Variants in TENM4 observed in about 807,000 individuals in gnomAD.
The protein encoded by TENM4 is teneurin-4.
A neutral mutation model predicts 243.3 loss-of-function variants in TENM4; 82 were observed. The ratio of observed to expected loss-of-function variants is 0.34; its 90% CI spans 0.28 to 0.40. The LOEUF (loss-of-function observed/expected upper bound fraction) is 0.40, where lower values mean the gene tolerates loss of function less well. TENM4 is among the 10% of genes least tolerant of loss of function. TENM4 has a pLI of 1.00. For missense variants in TENM4, 3,138 were observed against 3,673.3 expected (o/e 0.85, Z 3.77); for synonymous variants, 1,412 against 1,456.3 (o/e 0.97, Z 0.69).
chr11:78,783,995 G>C (rs1426691066), intron 16 of TENM4, among the ~76,000 whole-genome samples: 1 of 152,166 alleles, frequency 6.6e-6, no homozygotes, highest in South Asian at 2.1e-4. Context: ...TACGCAGGTC[G>C]GCAGTATGTA....
At chr11:79,102,423 C>A (rs911377133) in intron 4 of TENM4, among the ~76,000 whole-genome samples, 2 of 152,184 alleles carry the variant, frequency 1.3e-5, no homozygotes, top group Non-Finnish European at 2.9e-5. Context: ...TCCTCAGCCA[C>A]CCTTCGAAAA....
intron 2 of TENM4, among the ~76,000 whole-genome samples, chr11:79,272,948 A>G (rs1855994833): frequency 6.6e-6 from 1 of 152,198 alleles, no homozygotes; most frequent in Admixed American, 6.5e-5. Flanking sequence ...TTTGCTTGCT[A>G]AAATAAAACA....
chr11:78,790,721 A>AAC (rs1354872461), intron 15 of TENM4, among the ~76,000 whole-genome samples: 2 of 152,230 alleles, frequency 1.3e-5, no homozygotes, highest in Admixed American at 1.3e-4. Flanking sequence ...ACAGGCAAGG[A>AAC]ACACTGACCT....
At chr11:79,158,427 A>T (rs1281752085) in intron 3 of TENM4, among the ~76,000 whole-genome samples, 1 of 152,172 alleles carries the variant, frequency 6.6e-6, no homozygotes, top group Non-Finnish European at 1.5e-5. Context: ...CAAGGTCTCA[A>T]CAACTTATTT....
At chr11:78,816,847 G>C (rs954592209) in intron 12 of TENM4, among the ~76,000 whole-genome samples, 2 of 152,194 alleles carry the variant, frequency 1.3e-5, no homozygotes, top group Non-Finnish European at 2.9e-5. Flanking sequence ...TAAGTCAACT[G>C]TTGCATGAGG....
At position 79,440,271 on chromosome 11, in the gene TENM4, C is replaced by A. The variant is rs1278523622; in HGVS notation, c.-321+238G>T. On this transcript the variant is annotated intron_variant, in intron 1 of 33. Transcript: ENST00000278550. The surrounding 1 kb of genome is among the most constrained non-coding windows in gnomAD (Gnocchi z 4.7). ...CTTGCTCCCAGGCTCCAGTCCGCGGCGGGCTCCGGGGGCTGCGGCGGCTCC... is the reference window on the plus strand; with the variant it reads ...CTTGCTCCCAGGCTCCAGTCCGCGGAGGGCTCCGGGGGCTGCGGCGGCTCC... Among the ~76,000 whole-genome samples the A allele has an allele frequency of 9.2e-5, 14 of 151,978 alleles. No homozygotes were observed. Among genetic ancestry groups the A allele is most frequent in the African/African-American group, 3.4e-4 (14 of 41,518 alleles).
At chr11:79,378,884 T>TAAAA (rs34204961) in intron 1 of TENM4, among the ~76,000 whole-genome samples, 4 of 116,914 alleles carry the variant, frequency 3.4e-5, no homozygotes, top group African/African-American at 9.7e-5. Flanking sequence ...CCCTGTCTGT[T>TAAAA]AAAAAAAAAA....
At chr11:79,287,720 AAAAG>A (rs1856281756) in intron 2 of TENM4, among the ~76,000 whole-genome samples, 1 of 152,204 alleles carries the variant, frequency 6.6e-6, no homozygotes, top group Admixed American at 6.5e-5. Context: ...TCTGTAGCAA[AAAAG>A]AGAGTGAGGA....
At chr11:79,252,267 C>T (rs1338667844) in intron 2 of TENM4, among the ~76,000 whole-genome samples, 1 of 152,202 alleles carries the variant, frequency 6.6e-6, no homozygotes, top group Non-Finnish European at 1.5e-5. Flanking sequence ...CTGAGTCTTG[C>T]TCTGTCGCCC....
chr11:79,159,258 T>C (rs1343947057), intron 3 of TENM4, among the ~76,000 whole-genome samples: 1 of 152,172 alleles, frequency 6.6e-6, no homozygotes, highest in Admixed American at 6.5e-5. Flanking sequence ...CTACCCGGAC[T>C]GCTGTGTCTA....
chr11:78,946,359 T>G (rs934558278), intron 6 of TENM4, among the ~76,000 whole-genome samples: 1 of 152,246 alleles, frequency 6.6e-6, no homozygotes, highest in Non-Finnish European at 1.5e-5. Flanking sequence ...CAGCATGGTT[T>G]ACTGAATGTT....
intron 9 of TENM4, among the ~76,000 whole-genome samples, chr11:78,870,840 A>G (rs1298663634): frequency 6.6e-6 from 1 of 152,168 alleles, no homozygotes; most frequent in Non-Finnish European, 1.5e-5. Flanking sequence ...AGGGCACTGA[A>G]AACTGGTGAC....
intron 3 of TENM4, among the ~76,000 whole-genome samples, chr11:79,195,515 T>A (rs552483608): frequency 6.6e-6 from 1 of 152,290 alleles, no homozygotes; most frequent in South Asian, 2.1e-4. Flanking sequence ...GTGACCTAGA[T>A]GTGAGATCTG....
intron 4 of TENM4, chr11:79,096,914 AT>A (rs1861092224): frequency 9.3e-6 from 1 of 107,658 alleles, no homozygotes; most frequent in Non-Finnish European, 2.0e-5. Flanking sequence ...ATGCACGCAC[AT>A]GCGCGCGCGC....
At chr11:79,160,185 C>T (rs1313817340) in intron 3 of TENM4, among the ~76,000 whole-genome samples, 3 of 152,142 alleles carry the variant, frequency 2.0e-5, no homozygotes, top group African/African-American at 7.2e-5. Context: ...GTCCTCCCTC[C>T]CAGAACACTC....
intron 2 of TENM4, among the ~76,000 whole-genome samples, chr11:79,217,504 T>G (rs1864075807): frequency 6.6e-6 from 1 of 152,186 alleles, no homozygotes; most frequent in Admixed American, 6.5e-5. Flanking sequence ...TGCTGTTTAT[T>G]ATAAGGTGAG....
chr11:79,000,962 T>C (rs558219198), intron 6 of TENM4, among the ~76,000 whole-genome samples: 2 of 151,990 alleles, frequency 1.3e-5, no homozygotes, highest in African/African-American at 2.4e-5. Context: ...ACCCAGGAGG[T>C]GGAGGTTGCA....
chr11:79,303,310 G>C (rs1035687889), intron 1 of TENM4, among the ~76,000 whole-genome samples: 13 of 152,280 alleles, frequency 8.5e-5, no homozygotes, highest in African/African-American at 3.1e-4. Context: ...TCCTCTCTGG[G>C]TGACCTTGGG....
At chr11:78,926,015 C>A (rs1856544802) in intron 6 of TENM4, among the ~76,000 whole-genome samples, 1 of 151,854 alleles carries the variant, frequency 6.6e-6, no homozygotes, top group Non-Finnish European at 1.5e-5. Context: ...CAATGACTAC[C>A]TATTTAACAA....
Sources: gnomAD v4.1 joint callset for allele counts (sites outside exome capture counted in the v4.1 genomes callset) on GRCh38, gnomAD v4.1.1 for gene constraint, Gnocchi (gnomAD v3.1) non-coding constraint, MANE v1.5 for transcripts, NCBI Gene and HGNC (gene_info 2026-07-23, HGNC 2026-07-21) for gene names.